Variants in NFIB observed in about 807,000 individuals in gnomAD.
NFIB encodes the protein nuclear factor 1 B-type.
NFIB carries 11 observed loss-of-function variants against 61.5 expected under a neutral mutation model. The ratio of observed to expected loss-of-function variants is 0.18; its 90% confidence interval spans 0.11 to 0.30. The LOEUF is 0.30. NFIB is among the 10% of genes least tolerant of loss of function. The pLI, the probability that NFIB is intolerant of heterozygous loss-of-function variation, is 1.00. For missense variants in NFIB, 471 were observed against 608.9 expected (o/e 0.77, Z 2.38); for synonymous variants, 260 against 216.5 (o/e 1.20, Z -1.76).
the NFIB span, among the ~76,000 whole-genome samples, chr9:14,434,455 A>G: frequency 1.3e-5 from 2 of 152,338 alleles, no homozygotes; most frequent in East Asian, 1.9e-4. Context: ...AGGCAGCACA[A>G]CAATAAAAAA....
the NFIB span, among the ~76,000 whole-genome samples, chr9:14,486,399 A>T: frequency 6.6e-6 from 1 of 152,188 alleles, no homozygotes; most frequent in East Asian, 1.9e-4. Flanking sequence ...TTGTCAAGGA[A>T]ATCAAGGCAA....
intron 2 of NFIB, among the ~76,000 whole-genome samples, chr9:14,260,666 G>A (rs929253189): frequency 1.3e-5 from 2 of 152,168 alleles, no homozygotes; most frequent in African/African-American, 4.8e-5. Flanking sequence ...GAGCATATCT[G>A]AACTGGCCAC....
At chr9:14,375,099 A>G (rs1353691758) in intron 1 of NFIB, among the ~76,000 whole-genome samples, 2 of 152,188 alleles carry the variant, frequency 1.3e-5, no homozygotes, top group African/African-American at 4.8e-5. Context: ...GCAGTAACAG[A>G]GACCAGACTT....
chr9:14,504,311 C>T, the NFIB span, among the ~76,000 whole-genome samples: 1 of 152,200 alleles, frequency 6.6e-6, no homozygotes, highest in East Asian at 1.9e-4. Flanking sequence ...GCTATGCTGG[C>T]TCTTTTTTTG....
chr9:14,275,233 T>C (rs2057914727), intron 2 of NFIB, among the ~76,000 whole-genome samples: 1 of 152,196 alleles, frequency 6.6e-6, no homozygotes, highest in African/African-American at 2.4e-5. Flanking sequence ...TTAACCTCTG[T>C]GAATTCTACT....
chr9:14,394,288 T>C (rs1361286258), intron 1 of NFIB, among the ~76,000 whole-genome samples: 3 of 152,238 alleles, frequency 2.0e-5, no homozygotes, highest in African/African-American at 7.2e-5. Flanking sequence ...GAGTAATGAT[T>C]CTTGAGCCAA....
the NFIB span, among the ~76,000 whole-genome samples, chr9:14,443,616 A>G: frequency 6.6e-6 from 1 of 151,124 alleles, no homozygotes; most frequent in East Asian, 1.9e-4. Context: ...TCCTCTTAAC[A>G]CTCTCGGAGA....
At chr9:14,429,687 C>A in the NFIB span, among the ~76,000 whole-genome samples, 4 of 152,178 alleles carry the variant, frequency 2.6e-5, no homozygotes, top group African/African-American at 7.2e-5. Flanking sequence ...AAGCCACCAC[C>A]AGCTGACACT....
At chr9:14,518,678 G>C in the NFIB span, among the ~76,000 whole-genome samples, 85,744 of 151,654 alleles carry the variant, frequency 0.57, 25,389 homozygotes, top group Middle Eastern at 0.76. Context: ...AAAAAAGAGA[G>C]AAGAGAAACC....
intron 3 of NFIB, among the ~76,000 whole-genome samples, chr9:14,179,464 T>C (rs191436116): frequency 1.3e-5 from 2 of 152,304 alleles, no homozygotes; most frequent in South Asian, 2.1e-4. Context: ...ACCTAAAAGA[T>C]ACACAACTAA....
At chr9:14,515,172 A>G in the NFIB span, among the ~76,000 whole-genome samples, 1 of 152,176 alleles carries the variant, frequency 6.6e-6, no homozygotes, top group South Asian at 2.1e-4. Context: ...CTGGACAGGT[A>G]CAAGCATAAG....
At chr9:14,231,862 A>T (rs2053228840) in intron 2 of NFIB, among the ~76,000 whole-genome samples, 1 of 152,204 alleles carries the variant, frequency 6.6e-6, no homozygotes, top group African/African-American at 2.4e-5. Flanking sequence ...TTGGAGTCTA[A>T]AACAAGAATG....
At position 14,313,477 on chromosome 9, in the gene NFIB, T is replaced by A; in HGVS notation, c.30+5A>T. ...AAAGCTCGAGAAAGCGACCGAGACA[T>A]GTACCTGAGTGAGACAGATGGGAGA... On this transcript the variant is annotated splice_donor_5th_base_variant and intron_variant, in intron 1 of 10. Transcript: ENST00000380953. The surrounding 1 kb of genome is among the most constrained non-coding windows in gnomAD (Gnocchi z 4.5). 1 of 1,613,358 alleles carries A rather than the reference T, an allele frequency of 6.2e-7. No homozygotes were observed. Among genetic ancestry groups the A allele is most frequent in the Middle Eastern group, 1.7e-4 (1 of 6,056 alleles).
intron 2 of NFIB, among the ~76,000 whole-genome samples, chr9:14,216,567 T>C (rs1587681736): frequency 6.6e-6 from 1 of 150,398 alleles, no homozygotes; most frequent in South Asian, 2.1e-4. Context: ...TGTGTGTGTG[T>C]GTGTGTGTGT....
chr9:14,246,717 G>A (rs1402245025), intron 2 of NFIB, among the ~76,000 whole-genome samples: 2 of 152,136 alleles, frequency 1.3e-5, no homozygotes, highest in African/African-American at 4.8e-5. Flanking sequence ...TGGTGCCACT[G>A]ACAGTGCTAA....
the NFIB span, among the ~76,000 whole-genome samples, chr9:14,530,432 G>GA: frequency 6.6e-6 from 1 of 151,596 alleles, no homozygotes; most frequent in Non-Finnish European, 1.5e-5. Flanking sequence ...GAGAGAGAGA[G>GA]GTTTCTGTCT....
In NFIB at chr9:14,088,179, G is replaced by A; in HGVS notation, c.*130C>T. The A allele has an allele frequency of 2.7e-6, 4 of 1,466,226 alleles. No homozygotes were observed. Among genetic ancestry groups the A allele is most frequent in the East Asian group, 2.6e-5 (1 of 38,340 alleles). 90.8% of individuals were successfully genotyped at this position (1,466,226 alleles called of 1,614,324 possible). On this transcript the variant is annotated 3_prime_UTR_variant, in exon 11 of 11. Coordinates refer to ENST00000380953, the MANE Select transcript of NFIB (RefSeq NM_001190737.2). The stretch of plus-strand genomic sequence containing the variant: ...TAAAAAAAAAATTTCTTAAACTATT[G>A]TTGTGTTTCTTTTTCCCTCAGTTGC...
chr9:14,232,914 T>C (rs1166224344), intron 2 of NFIB, among the ~76,000 whole-genome samples: 1 of 152,240 alleles, frequency 6.6e-6, no homozygotes, highest in Non-Finnish European at 1.5e-5. Flanking sequence ...CAGAGGTCTC[T>C]AAAGCAGAGT....
the NFIB span, among the ~76,000 whole-genome samples, chr9:14,508,118 T>A: frequency 6.6e-6 from 1 of 151,210 alleles, no homozygotes; most frequent in Admixed American, 6.6e-5. Flanking sequence ...TTAATATTCA[T>A]ATTATATATT....
Sources: allele counts gnomAD v4.1 joint callset (sites outside exome capture counted in the v4.1 genomes callset), GRCh38; gene constraint gnomAD v4.1.1; non-coding constraint Gnocchi (gnomAD v3.1); transcripts MANE v1.5; gene names NCBI Gene and HGNC (gene_info 2026-07-23, HGNC 2026-07-21).